Variants in FCHO2 observed in about 807,000 individuals in gnomAD.
FCHO2 encodes the protein FCH and mu domain containing endocytic adaptor 2.
Under a neutral mutation model 114.1 loss-of-function variants are expected in FCHO2, and 43 were observed. That is an observed-to-expected ratio of 0.38 (90% CI 0.30 to 0.49). The LOEUF is 0.49. Among genes scored for constraint, FCHO2 ranks in the 20% least tolerant of loss-of-function variants. The probability of loss-of-function intolerance (pLI) is 0.97; values close to 1 mark genes in which losing one functional copy is unlikely to be tolerated. For missense variants in FCHO2, 807 were observed against 950.4 expected (o/e 0.85, Z 1.98); for synonymous variants, 293 against 315.2 (o/e 0.93, Z 0.75).
intron 9 of FCHO2, among the ~76,000 whole-genome samples, chr5:73,036,542 C>G (rs1756519798): frequency 6.6e-6 from 1 of 151,270 alleles, no homozygotes; most frequent in South Asian, 2.1e-4. Flanking sequence ...CCCAGCTAAT[C>G]TTTTGTATTT....
At position 73,054,512 on chromosome 5, in the gene FCHO2, A is replaced by C. The variant is rs963437880; in HGVS notation, c.1186-13A>C. The C allele has an allele frequency of 3.3e-6, 5 of 1,537,980 alleles. No homozygotes were observed. The African/African-American group carries it at 6.9e-5, about 21-fold the overall frequency. On this transcript the variant is annotated splice_polypyrimidine_tract_variant and intron_variant, in intron 14 of 25. Coordinates refer to ENST00000430046, the MANE Select transcript of FCHO2 (RefSeq NM_138782.3). ...ATTTGTTTTATGGTACCTATTTTGC[A>C]TCTCTGTTTTAGGTACAGATGAATC... is the stretch of plus-strand genomic sequence containing the variant.
chr5:72,960,974 A>T (rs1353882123), intron 1 of FCHO2, among the ~76,000 whole-genome samples: 2 of 152,142 alleles, frequency 1.3e-5, no homozygotes, highest in African/African-American at 4.8e-5. Context: ...AAAATGAACA[A>T]ACAACAATTA....
intron 19 of FCHO2, among the ~76,000 whole-genome samples, 193 bp from the exon 20 acceptor site, chr5:73,074,548 GT>G (rs200847047): frequency 2.0e-5 from 3 of 150,460 alleles, no homozygotes; most frequent in African/African-American, 7.3e-5. Flanking sequence ...TGTCTTCCTG[GT>G]TTTTTTTTGT....
intron 13 of FCHO2, among the ~76,000 whole-genome samples, chr5:73,053,172 A>T (rs1757413569): frequency 2.6e-5 from 4 of 152,242 alleles, no homozygotes; most frequent in Admixed American, 2.6e-4. Flanking sequence ...GTTCTTCTTG[A>T]TAATGAAGAA....
chr5:72,997,573 G>T (rs184514494), intron 5 of FCHO2: 16 of 1,328,456 alleles, frequency 1.2e-5, no homozygotes, highest in Admixed American at 1.0e-4. Context: ...TCCCGATGCT[G>T]GATGCCCTCA....
chr5:72,998,600 A>G (rs1235927959), intron 5 of FCHO2, among the ~76,000 whole-genome samples: 2 of 151,926 alleles, frequency 1.3e-5, no homozygotes, highest in African/African-American at 2.4e-5. Context: ...GCAAATGTCT[A>G]TGATCTAAAT....
intron 19 of FCHO2, 30 bp from the exon 20 acceptor site, chr5:73,074,712 G>T: frequency 6.3e-7 from 1 of 1,578,150 alleles, no homozygotes; most frequent in Non-Finnish European, 8.7e-7. Flanking sequence ...CTTTCTGAAG[G>T]ATTTAACAAG....
At chr5:73,035,186 G>A (rs1425608158) in intron 9 of FCHO2, among the ~76,000 whole-genome samples, 1 of 152,098 alleles carries the variant, frequency 6.6e-6, no homozygotes, top group Admixed American at 6.6e-5. Flanking sequence ...GGGAGGCTGA[G>A]GCAGGAGGAT....
chr5:73,036,802 A>T (rs1014548629), intron 9 of FCHO2, among the ~76,000 whole-genome samples: 1 of 152,230 alleles, frequency 6.6e-6, no homozygotes, highest in African/African-American at 2.4e-5. Flanking sequence ...TTTATAACAA[A>T]ATTTAGTATA....
intron 24 of FCHO2, 51 bp downstream of exon 24, chr5:73,082,876 ATT>A (rs11313621): frequency 0.033 from 39,109 of 1,185,410 alleles, 1 homozygote; most frequent in East Asian, 0.064. Flanking sequence ...CTGAAAATTG[ATT>A]TTTTTTTTTT....
At chr5:73,073,122 C>G (rs1459709152) in intron 19 of FCHO2, among the ~76,000 whole-genome samples, 1 of 151,688 alleles carries the variant, frequency 6.6e-6, no homozygotes, top group Admixed American at 6.6e-5. Flanking sequence ...CTTTTTTTCA[C>G]TTGATATTTT....
intron 5 of FCHO2, among the ~76,000 whole-genome samples, chr5:72,994,725 C>T (rs1052057015): frequency 6.6e-6 from 1 of 152,162 alleles, no homozygotes; most frequent in Admixed American, 6.5e-5. Flanking sequence ...AAATGCCCAT[C>T]AGTGACATTT....
At chr5:72,969,483 T>C (rs1247112384) in intron 2 of FCHO2, among the ~76,000 whole-genome samples, 2 of 152,232 alleles carry the variant, frequency 1.3e-5, no homozygotes, top group Non-Finnish European at 2.9e-5. Context: ...GGTAAGGCTC[T>C]CCTTCCTCCG....
At chr5:72,986,822 C>T (rs1753545162) in intron 2 of FCHO2, among the ~76,000 whole-genome samples, 1 of 151,806 alleles carries the variant, frequency 6.6e-6, no homozygotes, top group Non-Finnish European at 1.5e-5. Flanking sequence ...ACCATATACT[C>T]ATAGCCTGAA....
intron 8 of FCHO2, chr5:73,020,693 T>C: frequency 1.7e-6 from 2 of 1,202,092 alleles, no homozygotes; most frequent in Non-Finnish European, 2.5e-6. Flanking sequence ...TTGGTCTCTG[T>C]CCTTTAGTGA....
intron 20 of FCHO2, among the ~76,000 whole-genome samples, chr5:73,075,670 A>G (rs73099956): frequency 7.2e-5 from 11 of 152,246 alleles, no homozygotes; most frequent in African/African-American, 2.6e-4. Flanking sequence ...GGGCAGTCAG[A>G]ATTGATGCAG....
intron 10 of FCHO2, among the ~76,000 whole-genome samples, chr5:73,039,447 A>G (rs1158978667): frequency 6.6e-6 from 1 of 152,242 alleles, no homozygotes; most frequent in Non-Finnish European, 1.5e-5. Context: ...AAAAGAAGAA[A>G]GTAGAAATGT....
intron 5 of FCHO2, among the ~76,000 whole-genome samples, chr5:72,991,205 C>T (rs1753791372): frequency 6.6e-6 from 1 of 152,158 alleles, no homozygotes; most frequent in South Asian, 2.1e-4. Flanking sequence ...GCTGGGATTA[C>T]AGGCGCATGA....
chr5:72,993,850 A>G (rs1753936660), intron 5 of FCHO2, among the ~76,000 whole-genome samples: 1 of 152,218 alleles, frequency 6.6e-6, no homozygotes, highest in Non-Finnish European at 1.5e-5. Context: ...ACTTGAAAGA[A>G]ATGGTCTGTC....
Sources: allele counts gnomAD v4.1 joint callset (sites outside exome capture counted in the v4.1 genomes callset), GRCh38; gene constraint gnomAD v4.1.1; transcripts MANE v1.5; gene names NCBI Gene and HGNC (gene_info 2026-07-23, HGNC 2026-07-21).